ARHGAP22: variants seen among roughly 807,000 people sequenced by gnomAD.
The protein encoded by ARHGAP22 is rho GTPase-activating protein 22.
Under a neutral mutation model 59.1 loss-of-function variants are expected in ARHGAP22, and 48 were observed. The observed-to-expected ratio is 0.81, with a 90% confidence interval of 0.64 to 1.03. ARHGAP22 has a LOEUF of 1.03. Among genes scored for constraint, ARHGAP22 ranks in the 50% least tolerant of loss-of-function variants. The pLI is 0.00. For missense variants in ARHGAP22, 1,015 were observed against 958.7 expected (o/e 1.06, Z -0.78); for synonymous variants, 445 against 416.4 (o/e 1.07, Z -0.84).
In ARHGAP22 at chr10:48,459,966, G is replaced by A. The variant is rs1009433341; in HGVS notation, c.452-75C>T. 7.6e-6 allele frequency: 11 copies of A among 1,441,552 alleles called. 1 individual carries two copies. The highest frequency in any genetic ancestry group is 4.9e-5 in the East Asian group (2 of 41,062). The allele number at this position is 1,441,552 out of a possible 1,614,324, so 89.3% of individuals were successfully genotyped here. On this transcript the variant is annotated intron_variant, in intron 4 of 9. Transcript: ENST00000249601. ...TGGGTGCTCAGGACAATGGAGGGCA[G>A]GCGCACTGTTAGGGCTAAAGGTGGC...
At chr10:48,627,997 A>C (rs752452588) in intron 1 of ARHGAP22, among the ~76,000 whole-genome samples, 11 of 152,214 alleles carry the variant, frequency 7.2e-5, no homozygotes, top group Admixed American at 1.3e-4. Context: ...AGTAAAACGT[A>C]TTAACACAGT....
intron 1 of ARHGAP22, among the ~76,000 whole-genome samples, chr10:48,614,930 T>C (rs2061023901): frequency 6.6e-6 from 1 of 152,234 alleles, no homozygotes; most frequent in Non-Finnish European, 1.5e-5. Context: ...CTTCCAATGC[T>C]AAAGCAGATA....
chr10:48,582,060 C>G (rs1332245214), intron 2 of ARHGAP22, among the ~76,000 whole-genome samples: 1 of 152,226 alleles, frequency 6.6e-6, no homozygotes, highest in African/African-American at 2.4e-5. Flanking sequence ...GACATTTTCT[C>G]ATGCCCAGCT....
intron 2 of ARHGAP22, among the ~76,000 whole-genome samples, chr10:48,562,153 G>A (rs1360216378): frequency 6.6e-6 from 1 of 151,626 alleles, no homozygotes; most frequent in Non-Finnish European, 1.5e-5. Flanking sequence ...TGGAACCCGG[G>A]AGGCAGAGGT....
intron 4 of ARHGAP22, among the ~76,000 whole-genome samples, chr10:48,462,199 A>G (rs537523337): frequency 1.6e-3 from 202 of 123,256 alleles, no homozygotes; most frequent in Non-Finnish European, 2.6e-3. Flanking sequence ...ACGTATGTGC[A>G]TATGTGTGCT....
chr10:48,652,512 G>C (rs1438276594), exon 1 of ARHGAP22: 1 of 572,752 alleles, frequency 1.7e-6, no homozygotes, highest in East Asian at 2.8e-5. Flanking sequence ...TAGGGATCTT[G>C]GAATGGCCTT....
chr10:48,547,232 G>A (rs778373577), intron 3 of ARHGAP22, among the ~76,000 whole-genome samples: 7 of 152,228 alleles, frequency 4.6e-5, no homozygotes, highest in Non-Finnish European at 8.8e-5. Context: ...ATCTGCATCC[G>A]CGTGTGGTGT....
At chr10:48,482,766 GT>G (rs368035326) in intron 3 of ARHGAP22, among the ~76,000 whole-genome samples, 1 of 152,098 alleles carries the variant, frequency 6.6e-6, no homozygotes, top group Non-Finnish European at 1.5e-5. Context: ...CACTTCAAGT[GT>G]TTATTATTCC....
At chr10:48,472,326 C>A (rs1438172691) in intron 4 of ARHGAP22, among the ~76,000 whole-genome samples, 1 of 151,984 alleles carries the variant, frequency 6.6e-6, no homozygotes, top group African/African-American at 2.4e-5. Flanking sequence ...GAGTTCGAGA[C>A]CAGCCTGGCC....
chr10:48,480,847 T>G (rs968431390), intron 3 of ARHGAP22, among the ~76,000 whole-genome samples: 1 of 152,242 alleles, frequency 6.6e-6, no homozygotes, highest in Non-Finnish European at 1.5e-5. Flanking sequence ...GAGATTCAAG[T>G]CCCGACTCTG....
At chr10:48,475,458 T>C (rs918675011) in intron 4 of ARHGAP22, among the ~76,000 whole-genome samples, 1 of 152,030 alleles carries the variant, frequency 6.6e-6, no homozygotes, top group Non-Finnish European at 1.5e-5. Context: ...CTTGAGCATC[T>C]TATAGGTATC....
chr10:48,501,128 T>C (rs2051474126), intron 3 of ARHGAP22, among the ~76,000 whole-genome samples: 1 of 152,198 alleles, frequency 6.6e-6, no homozygotes, highest in South Asian at 2.1e-4. Context: ...TAAAATGGGA[T>C]GCTTTGCAGG....
At chr10:48,491,489 C>A (rs543148556) in intron 3 of ARHGAP22, among the ~76,000 whole-genome samples, 1 of 152,374 alleles carries the variant, frequency 6.6e-6, no homozygotes, top group South Asian at 2.1e-4. Flanking sequence ...TCAATACACT[C>A]TGTATGTATT....
intron 2 of ARHGAP22, among the ~76,000 whole-genome samples, chr10:48,573,815 A>G (rs1440778652): frequency 1.3e-5 from 2 of 152,240 alleles, no homozygotes; most frequent in African/African-American, 4.8e-5. Context: ...TCCCAAATCT[A>G]TAGCTAGTAG....
intron 5 of ARHGAP22, among the ~76,000 whole-genome samples, chr10:48,455,554 T>C (rs1161242076): frequency 6.6e-6 from 1 of 152,210 alleles, no homozygotes; most frequent in African/African-American, 2.4e-5. Flanking sequence ...TCAAGTGTGA[T>C]GCAGGTCAGG....
chr10:48,638,117 C>G (rs140766242), intron 1 of ARHGAP22, among the ~76,000 whole-genome samples: 1 of 152,318 alleles, frequency 6.6e-6, no homozygotes, highest in Non-Finnish European at 1.5e-5. Context: ...GGCTTCCAAT[C>G]TTCCACCGTT....
intron 1 of ARHGAP22, among the ~76,000 whole-genome samples, chr10:48,616,510 T>C (rs2061088545): frequency 6.6e-6 from 1 of 152,146 alleles, no homozygotes; most frequent in Non-Finnish European, 1.5e-5. Context: ...CCACATAGAA[T>C]AAATTCAGAG....
chr10:48,520,147 G>C (rs1564809695), intron 3 of ARHGAP22, among the ~76,000 whole-genome samples: 1 of 152,218 alleles, frequency 6.6e-6, no homozygotes, highest in South Asian at 2.1e-4. Flanking sequence ...GACTGCACTG[G>C]AGTCTAATGA....
chr10:48,553,862 G>A (rs1466738763), intron 3 of ARHGAP22, among the ~76,000 whole-genome samples: 1 of 152,176 alleles, frequency 6.6e-6, no homozygotes, highest in Non-Finnish European at 1.5e-5. Context: ...CTGAATTGAT[G>A]GCTGGAGTGT....
Sources: allele counts gnomAD v4.1 joint callset (sites outside exome capture counted in the v4.1 genomes callset), GRCh38; gene constraint gnomAD v4.1.1; transcripts MANE v1.5; gene names NCBI Gene and HGNC (gene_info 2026-07-23, HGNC 2026-07-21).